Variants in DEPDC7 observed in about 807,000 individuals in gnomAD.
DEPDC7 encodes the protein DEP domain containing 7.
Under a neutral mutation model 56.6 loss-of-function variants are expected in DEPDC7, and 41 were observed. The ratio of observed to expected loss-of-function variants is 0.72; its 90% CI spans 0.56 to 0.94. The LOEUF is 0.94. DEPDC7 is among the 40% of genes least tolerant of loss of function. The probability of loss-of-function intolerance (pLI) is 0.00; values close to 1 mark genes in which losing one functional copy is unlikely to be tolerated. For synonymous variants in DEPDC7, 185 were observed against 208.8 expected (o/e 0.89, Z 0.98); for missense variants, 522 against 596.3 (o/e 0.88, Z 1.30).
Position 33,026,027 on chromosome 11 carries a change from A to T in DEPDC7, c.442A>T (p.Asn148Tyr). The T allele has an allele frequency of 1.2e-6, 2 of 1,614,048 alleles. No homozygotes were observed. Among genetic ancestry groups the T allele is most frequent in the Non-Finnish European group, 1.7e-6 (2 of 1,180,022 alleles). Residue 148 changes from asparagine (N) to tyrosine (Y), a missense_variant, in exon 2 of 9, where the codon AAC becomes TAC. Transcript: ENST00000241051. Reference sequence around the variant, plus strand: ...CCAAGACAGTCAGTTAGGCAAAGAGAACAAACTATATTCACCTGCCAGGTT... The same window carrying T: ...CCAAGACAGTCAGTTAGGCAAAGAGTACAAACTATATTCACCTGCCAGGTT... ...PNQDSQLGKE[N>Y]KLYSPARYAD...
chr11:33,021,092 C>CA (rs200238887), intron 1 of DEPDC7, among the ~76,000 whole-genome samples: 38 of 150,500 alleles, frequency 2.5e-4, no homozygotes, highest in African/African-American at 6.6e-4. Flanking sequence ...ACTAAAAATA[C>CA]AAAAAAAAAT....
intron 1 of DEPDC7, chr11:33,016,473 C>G: frequency 6.2e-7 from 1 of 1,606,148 alleles, no homozygotes; most frequent in South Asian, 1.1e-5. Context: ...CCTCCCTTGC[C>G]CACTTTGTTC....
chr11:33,033,571 T>A lies in DEPDC7; in HGVS notation c.*116T>A. On this transcript the variant is annotated 3_prime_UTR_variant, in exon 9 of 9. Coordinates refer to ENST00000241051, the MANE Select transcript of DEPDC7 (RefSeq NM_001077242.2). The stretch of plus-strand genomic sequence containing the variant: ...ATTTGAAACTGTACTTAATAAAAAT[T>A]TTTTTGTATAACTTCGTGTGTCAGA... 1.4e-6 allele frequency: 1 copy of A among 731,552 alleles called. No homozygotes were observed. The highest frequency in any genetic ancestry group is 2.1e-6 in the Non-Finnish European group (1 of 472,728). 45.3% of individuals were successfully genotyped at this position (731,552 alleles called of 1,614,324 possible).
chr11:33,024,864 A>T (rs1853561806), intron 1 of DEPDC7, among the ~76,000 whole-genome samples: 1 of 151,726 alleles, frequency 6.6e-6, no homozygotes. Context: ...CTTCAAAATC[A>T]TATAAAACAT....
intron 1 of DEPDC7, among the ~76,000 whole-genome samples, chr11:33,022,638 T>C (rs756979232): frequency 4.6e-5 from 7 of 152,234 alleles, no homozygotes; most frequent in Non-Finnish European, 8.8e-5. Flanking sequence ...TCTGGTATTT[T>C]AGGAAGTTAA....
At chr11:33,030,563 T>A (rs535820561) in intron 4 of DEPDC7, among the ~76,000 whole-genome samples, 27 of 152,290 alleles carry the variant, frequency 1.8e-4, no homozygotes, top group Non-Finnish European at 3.7e-4. Context: ...TTACTGTAGA[T>A]GATAATTGAT....
Position 33,025,756 on chromosome 11 carries a change from C to T in DEPDC7, c.171C>T (p.His57=). The T allele has an allele frequency of 6.2e-7, 1 of 1,614,172 alleles. No individual in the cohort carries two copies. The highest frequency in any genetic ancestry group is 8.5e-7 in the Non-Finnish European group (1 of 1,180,030). ...AAGTGGAAGTGAAAAAACGAAGGCA[C>T]CGTTTAAAACGACATAATGACTGCT... The part of the protein sequence containing the change: ...QTQVEVKKRR[H]RLKRHNDCFV... The change falls in exon 2 of 9, where the codon CAC becomes CAT. Residue 57 remains histidine (H), a synonymous_variant. Transcript: ENST00000241051.
intron 1 of DEPDC7, among the ~76,000 whole-genome samples, chr11:33,021,602 C>T (rs866092968): frequency 6.6e-6 from 1 of 152,302 alleles, no homozygotes; most frequent in South Asian, 2.1e-4. Flanking sequence ...GGCACATTTA[C>T]TTGTCAAGTC....
chr11:33,023,915 C>G (rs571784030), intron 1 of DEPDC7, among the ~76,000 whole-genome samples: 1 of 152,066 alleles, frequency 6.6e-6, no homozygotes, highest in Non-Finnish European at 1.5e-5. Context: ...CCTTTCTAGA[C>G]GATCTTAAAG....
At chr11:33,030,823 A>G (rs2133667490) in intron 4 of DEPDC7, among the ~76,000 whole-genome samples, 1 of 152,262 alleles carries the variant, frequency 6.6e-6, no homozygotes, top group South Asian at 2.1e-4. Flanking sequence ...ACCTCATGTG[A>G]TCCACCTGCC....
At chr11:33,033,014 A>G in intron 8 of DEPDC7, 47 bp downstream of exon 8, 1 of 1,445,892 alleles carries the variant, frequency 6.9e-7, no homozygotes, top group Non-Finnish European at 9.5e-7. Context: ...GACAAATTTC[A>G]GGTGTTTTTT....
Position 33,032,904 on chromosome 11 carries a change from C to T in DEPDC7, c.1279C>T (p.His427Tyr), listed in dbSNP as rs1314882694. 9 of 1,603,362 alleles carry T rather than the reference C, an allele frequency of 5.6e-6. No homozygotes were observed. Among genetic ancestry groups the T allele is most frequent in the Non-Finnish European group, 7.7e-6 (9 of 1,175,750 alleles). ...KDVFKIPGTL[H>Y]KIVSVKLMAI... ...TTTTCTTAAGATTCCTGGAACTCTA[C>T]ATAAAATTGTAAGTGTTAAGCTTAT... The change falls in exon 8 of 9, where the codon CAT (histidine) becomes TAT (tyrosine). Residue 427 changes from histidine to tyrosine, a missense_variant. Coordinates refer to ENST00000241051, the MANE Select transcript of DEPDC7 (RefSeq NM_001077242.2).
rs187785709 is a variant in DEPDC7, at chr11:33,026,527, T to C, written c.464+478T>C. On this transcript the variant is annotated intron_variant, in intron 2 of 8. Transcript: ENST00000241051. ...TCCCCTTTGTTACCCTCAGCTAAAC[T>C]GTGCAGTGGTGACACAGAGGTATAA... 7.1e-5 allele frequency: 15 copies of C among 210,538 alleles called. No individual in the cohort carries two copies. The East Asian group carries it at 7.5e-4, about 11-fold the overall frequency. The allele number at this position is 210,538 out of a possible 1,614,324, so 13.0% of individuals were successfully genotyped here.
chr11:33,023,152 C>T (rs1033332794), intron 1 of DEPDC7, among the ~76,000 whole-genome samples: 1 of 151,608 alleles, frequency 6.6e-6, no homozygotes, highest in African/African-American at 2.4e-5. Flanking sequence ...ATGGCATGAA[C>T]CCAGGAGGCG....
At chr11:33,017,673 G>C (rs1028314281) in intron 1 of DEPDC7, among the ~76,000 whole-genome samples, 20 of 152,308 alleles carry the variant, frequency 1.3e-4, no homozygotes, top group African/African-American at 4.6e-4. Flanking sequence ...AAGGTAGTGG[G>C]AGCACACGGT....
chr11:33,016,007 A>C lies in DEPDC7; in HGVS notation c.52A>C (p.Ser18Arg). 31 of 1,557,572 alleles carry C rather than the reference A, an allele frequency of 2.0e-5. No individual in the cohort carries two copies. Among genetic ancestry groups the C allele is most frequent in the Non-Finnish European group, 2.7e-5 (31 of 1,152,608 alleles). Residue 18 changes from serine (S) to arginine (R), a missense_variant, in exon 1 of 9, where the codon AGC becomes CGC. Physicochemically the swap from Ser to Arg is moderately radical, Grantham distance 110. Coordinates refer to ENST00000241051, the MANE Select transcript of DEPDC7 (RefSeq NM_001077242.2). ...AAALNLSALH[S>R]PAHRPPGFSV... is the part of the protein sequence containing the mutation. ...TGCGCTGAACCTCTCGGCTCTCCAC[A>C]GCCCCGCGCACAGGCCTCCGGGTAG... is the stretch of plus-strand genomic sequence containing the variant.
intron 1 of DEPDC7, among the ~76,000 whole-genome samples, chr11:33,018,807 C>T (rs1005571283): frequency 2.6e-5 from 4 of 152,290 alleles, no homozygotes; most frequent in African/African-American, 9.6e-5. Flanking sequence ...GGATCCCATC[C>T]AAGATATTAT....
chr11:33,030,987 G>A (rs531735812), intron 4 of DEPDC7, among the ~76,000 whole-genome samples: 1 of 152,320 alleles, frequency 6.6e-6, no homozygotes, highest in South Asian at 2.1e-4. Context: ...CATTGTGTTG[G>A]AGAAATACTG....
chr11:33,018,718 G>T (rs1291407179), intron 1 of DEPDC7, among the ~76,000 whole-genome samples: 1 of 152,064 alleles, frequency 6.6e-6, no homozygotes, highest in East Asian at 1.9e-4. Flanking sequence ...CATAATTAAT[G>T]AACCAATATT....
Sources: allele counts gnomAD v4.1 joint callset (sites outside exome capture counted in the v4.1 genomes callset), GRCh38; gene constraint gnomAD v4.1.1; transcripts MANE v1.5; gene names NCBI Gene and HGNC (gene_info 2026-07-23, HGNC 2026-07-21).